DAPK3: variants seen among roughly 807,000 people sequenced by gnomAD.
DAPK3 encodes death-associated protein kinase 3.
Under a neutral mutation model 30.6 loss-of-function variants are expected in DAPK3, and 24 were observed. The ratio of observed to expected loss-of-function variants is 0.78; its 90% CI spans 0.57 to 1.10. DAPK3 has a LOEUF of 1.10. DAPK3 is among the 50% of genes least tolerant of loss of function. The pLI, the probability that DAPK3 is intolerant of heterozygous loss-of-function variation, is 0.00. For missense variants in DAPK3, 629 were observed against 657.3 expected (o/e 0.96, Z 0.47); for synonymous variants, 341 against 284.0 (o/e 1.20, Z -2.02).
chr19:3,959,928 C>G, intron 8 of DAPK3, 131 bp downstream of exon 8: 1 of 737,500 alleles, frequency 1.4e-6, no homozygotes, highest in Non-Finnish European at 2.4e-6. Flanking sequence ...CACAGGCTCA[C>G]TCCTCTGGGG....
Position 3,964,015 on chromosome 19 carries a change from C to A in DAPK3, c.554-96G>T, listed in dbSNP as rs556457444. ...ATGGGGTCAAGGTTCTCACATGTCG[C>A]AGCCCTTGGGGGCATGAATGCGGCA... On this transcript the variant is annotated intron_variant, in intron 4 of 8. Transcript: ENST00000545797. The A allele has an allele frequency of 4.4e-6, 4 of 910,334 alleles. No homozygotes were observed. The African/African-American group carries it at 6.5e-5, about 15-fold the overall frequency. The allele number at this position is 910,334 out of a possible 1,614,324, so 56.4% of individuals were successfully genotyped here.
Position 3,964,819 on chromosome 19 carries a change from G to T in DAPK3, c.235C>A (p.Leu79Met). The T allele has an allele frequency of 1.9e-6, 3 of 1,612,842 alleles. No individual in the cohort carries two copies. Among genetic ancestry groups the T allele is most frequent in the Non-Finnish European group, 2.5e-6 (3 of 1,179,048 alleles). Reference protein sequence around the residue: ...REIRHPNIITLHDIFENKTDV... With the variant: ...REIRHPNIITMHDIFENKTDV... Reference sequence around the variant, plus strand: ...GTCTTGTTCTCGAAGATGTCGTGCAGGGTGATGATGTTGGGGTGCCGGATC... The same window carrying T: ...GTCTTGTTCTCGAAGATGTCGTGCATGGTGATGATGTTGGGGTGCCGGATC... Residue 79 changes from leucine to methionine, a missense_variant, in exon 3 of 9, where the codon CTG (leucine) becomes ATG (methionine). Coordinates refer to ENST00000545797, the MANE Select transcript of DAPK3 (RefSeq NM_001348.3).
rs771988226 is a variant in DAPK3 at position 3,959,590 on chromosome 19, G to C, written c.876C>G (p.Pro292=). 2 of 1,586,704 alleles carry C rather than the reference G, an allele frequency of 1.3e-6. No individual in the cohort carries two copies. Among genetic ancestry groups the C allele is most frequent in the East Asian group, 2.3e-5 (1 of 44,328 alleles). ...NVRGEDSGRK[P]ERRRLKTTRL... is the part of the protein sequence containing the mutation. The stretch of plus-strand genomic sequence containing the variant: ...GCGTGGTCTTCAGGCGCCGCCGCTC[G>C]GGCTTGCGGCCGCTGTCCTCACCAC... Residue 292 remains proline, a synonymous_variant, in exon 9 of 9, where the codon CCC becomes CCG. Coordinates refer to ENST00000545797, the MANE Select transcript of DAPK3 (RefSeq NM_001348.3).
intron 3 of DAPK3, 82 bp downstream of exon 3, chr19:3,964,549 G>A (rs1298791680): frequency 2.2e-6 from 3 of 1,394,964 alleles, no homozygotes; most frequent in East Asian, 2.8e-5. Flanking sequence ...CCACGCGCAG[G>A]AGGTGCCTTC....
In DAPK3 at chr19:3,963,625, C is replaced by T; in HGVS notation, c.629+18G>A. On this transcript the variant is annotated intron_variant, in intron 6 of 8. Transcript: ENST00000545797. ...CAGCTGTGTTGCACAGCCGAGGGGG[C>T]CCCCGCCAGGTACTCACAGGATATA... 4 of 1,495,044 alleles carry T rather than the reference C, an allele frequency of 2.7e-6. No individual in the cohort carries two copies. Among genetic ancestry groups the T allele is most frequent in the East Asian group, 2.4e-5 (1 of 41,134 alleles). 92.6% of individuals were successfully genotyped at this position (1,495,044 alleles called of 1,614,324 possible).
intron 6 of DAPK3, among the ~76,000 whole-genome samples, chr19:3,963,436 CTG>C (rs1225350332): frequency 2.6e-5 from 3 of 115,784 alleles, no homozygotes; most frequent in East Asian, 3.9e-4. Context: ...CTCAGCCGCT[CTG>C]TGAGTGTCCT....
chr19:3,958,638 G>A lies in DAPK3; in HGVS notation c.*463C>T. On this transcript the variant is annotated 3_prime_UTR_variant, in exon 9 of 9. Transcript: ENST00000545797. ...CAAGCCCGGCGCCACCCAGCAGCGT[G>A]GGGACTGCCTGTCCGCCGTCCATCC... 1 of 395,908 alleles carries A rather than the reference G, an allele frequency of 2.5e-6. No individual in the cohort carries two copies. Among genetic ancestry groups the A allele is most frequent in the Non-Finnish European group, 5.0e-6 (1 of 198,938 alleles). The allele number at this position is 395,908 out of a possible 1,614,324, so 24.5% of individuals were successfully genotyped here.
At chr19:3,970,088 C>T in intron 1 of DAPK3, 1 of 319,532 alleles carries the variant, frequency 3.1e-6, no homozygotes, top group Non-Finnish European at 5.8e-6. Context: ...ACACATAATT[C>T]TGATTTCCCC....
At chr19:3,970,899 C>T (rs2039627383) in intron 1 of DAPK3, 22 bp downstream of exon 1, 1 of 153,152 alleles carries the variant, frequency 6.5e-6, no homozygotes, top group African/African-American at 2.4e-5. Context: ...GCCCGGTCAC[C>T]CAGATGGGTC....
At position 3,958,560 on chromosome 19, in the gene DAPK3, C is replaced by T. The variant is rs943036025; in HGVS notation, c.*541G>A. 1 of 456,372 alleles carries T rather than the reference C, an allele frequency of 2.2e-6. No individual in the cohort carries two copies. The highest frequency in any genetic ancestry group is 2.0e-5 in the African/African-American group (1 of 50,244). 28.3% of individuals were successfully genotyped at this position (456,372 alleles called of 1,614,324 possible). Reference sequence around the variant, plus strand: ...GCGGAGGAGTCCGCAGCAGGGCACCCCACACCCGGGGGACCGGCCTCGGCG... The same window carrying T: ...GCGGAGGAGTCCGCAGCAGGGCACCTCACACCCGGGGGACCGGCCTCGGCG... On this transcript the variant is annotated 3_prime_UTR_variant, in exon 9 of 9. Transcript: ENST00000545797.
intron 1 of DAPK3, 179 bp from the exon 2 acceptor site, chr19:3,970,008 G>A: frequency 4.0e-6 from 2 of 495,424 alleles, no homozygotes; most frequent in East Asian, 3.4e-5. Context: ...ACCTCTTAGA[G>A]CCCCATAACC....
At chr19:3,966,411 C>T (rs2039577703) in intron 2 of DAPK3, among the ~76,000 whole-genome samples, 1 of 152,218 alleles carries the variant, frequency 6.6e-6, no homozygotes, top group African/African-American at 2.4e-5. Context: ...CCACGCCTTC[C>T]AGCCCAAAGA....
intron 4 of DAPK3, 63 bp downstream of exon 4, chr19:3,964,181 G>T: frequency 1.4e-6 from 2 of 1,429,954 alleles, no homozygotes; most frequent in Non-Finnish European, 1.9e-6. Context: ...CCCACCCCAC[G>T]CACAGCAGGC....
chr19:3,966,459 G>T (rs2039578188), intron 2 of DAPK3, among the ~76,000 whole-genome samples: 1 of 152,212 alleles, frequency 6.6e-6, no homozygotes, highest in Admixed American at 6.5e-5. Flanking sequence ...CGCCTGCTGG[G>T]AAGAGAGGAT....
Position 3,960,112 on chromosome 19 carries a change from A to AC in DAPK3, c.783-9dup, listed in dbSNP as rs1246925150. 2 of 1,517,800 alleles carry AC rather than the reference A, an allele frequency of 1.3e-6. No homozygotes were observed. Among genetic ancestry groups the AC allele is most frequent in the Admixed American group, 1.7e-5 (1 of 59,784 alleles). 94.0% of individuals were successfully genotyped at this position (1,517,800 alleles called of 1,614,324 possible). A position where few individuals can be genotyped will look rare whatever the true frequency, so the allele number is the denominator to read the frequency against. On this transcript the variant is annotated splice_polypyrimidine_tract_variant and intron_variant, in intron 7 of 8. Transcript: ENST00000545797. Reference sequence around the variant, plus strand: ...GCAATGGTCATTCTCCGCCTGGAAGACCCCCGCTCTGGTTAGGTACACCTG... The same window carrying AC: ...GCAATGGTCATTCTCCGCCTGGAAGACCCCCCGCTCTGGTTAGGTACACCTG...
chr19:3,959,334 G>A lies in DAPK3; in HGVS notation c.1132C>T (p.Leu378=), dbSNP rs2039476935. The A allele has an allele frequency of 6.3e-7, 1 of 1,591,402 alleles. No homozygotes were observed. The highest frequency in any genetic ancestry group is 1.3e-5 in the African/African-American group (1 of 74,794). The change falls in exon 9 of 9, where the codon CTG becomes TTG. Residue 378 remains leucine, a synonymous_variant. Coordinates refer to ENST00000545797, the MANE Select transcript of DAPK3 (RefSeq NM_001348.3). The stretch of plus-strand genomic sequence containing the variant: ...AGCAGCTCCTGCCGTAGCCTCCGCA[G>A]GTCCTGGCCCAGGCTGTCGCTCTCC... ...REESDSLGQD[L]RRLRQELLKT... is the part of the protein sequence containing the mutation.
Position 3,959,409 on chromosome 19 carries a change from C to T in DAPK3, c.1057G>A (p.Val353Met), listed in dbSNP as rs779229348. ...QRSRRLCHED[V>M]EALAAIYEEK... is the part of the protein sequence containing the mutation. Reference sequence around the variant, plus strand: ...TCGTAGATGGCGGCCAGCGCCTCCACGTCCTCGTGGCAGAGCCGCCGGCTG... The same window carrying T: ...TCGTAGATGGCGGCCAGCGCCTCCATGTCCTCGTGGCAGAGCCGCCGGCTG... The change falls in exon 9 of 9, where the codon GTG (valine) becomes ATG (methionine). Residue 353 changes from valine to methionine, a missense_variant. By Grantham distance (21) the Val-to-Met change is conservative. Transcript: ENST00000545797. 3 of 1,562,604 alleles carry T rather than the reference C, an allele frequency of 1.9e-6. No homozygotes were observed. Among genetic ancestry groups the T allele is most frequent in the East Asian group, 4.6e-5 (2 of 43,026 alleles).
chr19:3,968,405 G>A (rs1261850733), intron 2 of DAPK3, among the ~76,000 whole-genome samples: 2 of 152,040 alleles, frequency 1.3e-5, no homozygotes, highest in South Asian at 2.1e-4. Flanking sequence ...TAGGCTGGAG[G>A]CCGAGGCTGC....
chr19:3,961,092 G>A lies in DAPK3; in HGVS notation c.699C>T (p.Asn233=), dbSNP rs753525992. The A allele has an allele frequency of 6.2e-7, 1 of 1,613,684 alleles. No homozygotes were observed. Among genetic ancestry groups the A allele is most frequent in the African/African-American group, 1.3e-5 (1 of 74,876 alleles). ...QETLTNISAV[N]YDFDEEYFSN... ...TGAAGTACTCCTCGTCGAAGTCGTAGTTCACGGCTGAGATGTTGGTGAGCG... is the reference window on the plus strand; with the variant it reads ...TGAAGTACTCCTCGTCGAAGTCGTAATTCACGGCTGAGATGTTGGTGAGCG... Residue 233 remains asparagine, a synonymous_variant, in exon 7 of 9, where the codon AAC becomes AAT. Coordinates refer to ENST00000545797, the MANE Select transcript of DAPK3 (RefSeq NM_001348.3).
Sources: allele counts gnomAD v4.1 joint callset (sites outside exome capture counted in the v4.1 genomes callset), GRCh38; gene constraint gnomAD v4.1.1; transcripts MANE v1.5; gene names NCBI Gene and HGNC (gene_info 2026-07-23, HGNC 2026-07-21).